The following DZIP3 variants were observed in gnomAD, a reference collection of about 807,000 sequenced individuals.
The protein encoded by DZIP3 is DAZ interacting zinc finger protein 3, also known as E3 ubiquitin-protein ligase DZIP3.
In DZIP3, 118 loss-of-function variants were observed where a neutral mutation model predicts 162.0. The ratio of observed to expected loss-of-function variants is 0.73; its 90% CI spans 0.63 to 0.85. The LOEUF is 0.85. Among genes scored for constraint, DZIP3 ranks in the 40% least tolerant of loss-of-function variants. The pLI, the probability that DZIP3 is intolerant of heterozygous loss-of-function variation, is 0.00. For synonymous variants in DZIP3, 438 were observed against 458.6 expected (o/e 0.96, Z 0.57); for missense variants, 1,331 against 1,407.0 (o/e 0.95, Z 0.86).
Position 108,661,990 on chromosome 3 carries a change from T to G in DZIP3, c.2295+18T>G, listed in dbSNP as rs1302475930. 4 of 1,607,840 alleles carry G rather than the reference T, an allele frequency of 2.5e-6. No homozygotes were observed. The highest frequency in any genetic ancestry group is 3.4e-6 in the Non-Finnish European group (4 of 1,175,404). On this transcript the variant is annotated intron_variant, in intron 20 of 32. Transcript: ENST00000361582. ...AGTGTGAAGTAAGTATTTTTGCCAT[T>G]AGATCTGATGGAAGTGAGAAGTATT...
At chr3:108,634,681 T>G (rs960205828) in intron 9 of DZIP3, among the ~76,000 whole-genome samples, 190 bp from the exon 10 acceptor site, 3 of 152,162 alleles carry the variant, frequency 2.0e-5, no homozygotes, top group African/African-American at 4.8e-5. Context: ...TGTCCTAATT[T>G]TCCTATCTTT....
At chr3:108,640,515 G>A (rs1457258633) in intron 12 of DZIP3, among the ~76,000 whole-genome samples, 3 of 145,372 alleles carry the variant, frequency 2.1e-5, no homozygotes, top group African/African-American at 7.7e-5. Flanking sequence ...GCACGATCTC[G>A]GCTCACTGCA....
intron 12 of DZIP3, among the ~76,000 whole-genome samples, chr3:108,642,055 A>C (rs1277639600): frequency 6.6e-6 from 1 of 152,164 alleles, no homozygotes; most frequent in Non-Finnish European, 1.5e-5. Context: ...GTTATTGCCA[A>C]AAATATTATA....
intron 26 of DZIP3, among the ~76,000 whole-genome samples, chr3:108,681,960 G>C (rs1350961940): frequency 6.7e-6 from 1 of 150,294 alleles, no homozygotes; most frequent in African/African-American, 2.5e-5. Context: ...GATAGCATTA[G>C]GAGAAATACC....
chr3:108,663,612 TA>T (rs1216658025), intron 21 of DZIP3, among the ~76,000 whole-genome samples: 2 of 150,272 alleles, frequency 1.3e-5, no homozygotes, highest in East Asian at 2.0e-4. Context: ...TCTTTTAGCC[TA>T]AAGGGGATGA....
At chr3:108,688,508 A>C in intron 29 of DZIP3, 85 bp from the exon 30 acceptor site, 449 of 1,412,134 alleles carry the variant, frequency 3.2e-4, no homozygotes, top group Non-Finnish European at 3.9e-4. Flanking sequence ...GCTAGTTCTT[A>C]CTATACCCCG....
At chr3:108,685,558 A>G (rs573115894) in intron 27 of DZIP3, among the ~76,000 whole-genome samples, 9 of 152,320 alleles carry the variant, frequency 5.9e-5, no homozygotes, top group African/African-American at 1.9e-4. Context: ...ATATTATTTA[A>G]TTAGAATCTT....
intron 4 of DZIP3, among the ~76,000 whole-genome samples, chr3:108,615,721 C>T (rs1345654040): frequency 6.6e-6 from 1 of 152,248 alleles, no homozygotes; most frequent in East Asian, 1.9e-4. Context: ...TCATTTCAAC[C>T]ATGTAAATAA....
chr3:108,642,808 C>A (rs1363846920), intron 13 of DZIP3, among the ~76,000 whole-genome samples: 1 of 152,146 alleles, frequency 6.6e-6, no homozygotes, highest in Non-Finnish European at 1.5e-5. Context: ...ACCAACTGTT[C>A]CTTCCCTTGC....
chr3:108,632,195 T>G (rs1169351806), intron 8 of DZIP3, among the ~76,000 whole-genome samples: 1 of 152,198 alleles, frequency 6.6e-6, no homozygotes, highest in Non-Finnish European at 1.5e-5. Flanking sequence ...CATGATTCAC[T>G]TGTATTTAAT....
chr3:108,602,247 TA>T (rs1206326804), intron 1 of DZIP3, among the ~76,000 whole-genome samples: 18 of 152,146 alleles, frequency 1.2e-4, no homozygotes, highest in Admixed American at 1.2e-3. Context: ...AACACAGCTT[TA>T]AAAATGGAAA....
In DZIP3 at chr3:108,694,153, A is replaced by G. The variant is rs960600587; in HGVS notation, c.*800A>G. The G allele has an allele frequency of 2.0e-5, 3 of 152,186 alleles. No homozygotes were observed. Among genetic ancestry groups the G allele is most frequent in the Non-Finnish European group, 2.9e-5 (2 of 68,038 alleles). 9.4% of individuals were successfully genotyped at this position (152,186 alleles called of 1,614,324 possible). A position where few individuals can be genotyped will look rare whatever the true frequency, so the allele number is the denominator to read the frequency against. The stretch of plus-strand genomic sequence containing the variant: ...TTTGCCTCCATATTTCAGTGCAAAT[A>G]TATTTTGAAGTTACTTTTAAATATT... On this transcript the variant is annotated 3_prime_UTR_variant, in exon 33 of 33. Coordinates refer to ENST00000361582, the MANE Select transcript of DZIP3 (RefSeq NM_014648.4).
At chr3:108,620,885 G>A (rs1317586345) in intron 5 of DZIP3, among the ~76,000 whole-genome samples, 1 of 152,076 alleles carries the variant, frequency 6.6e-6, no homozygotes, top group East Asian at 1.9e-4. Flanking sequence ...GCAGTGGCAC[G>A]ATCTCGGCTC....
chr3:108,649,911 A>G (rs1025726161), intron 17 of DZIP3, among the ~76,000 whole-genome samples: 5 of 151,986 alleles, frequency 3.3e-5, no homozygotes, highest in African/African-American at 1.2e-4. Context: ...AGACATGAGT[A>G]TGGAGATTTT....
intron 10 of DZIP3, among the ~76,000 whole-genome samples, chr3:108,635,706 T>C (rs1157690482): frequency 6.7e-6 from 1 of 148,740 alleles, no homozygotes; most frequent in Non-Finnish European, 1.5e-5. Context: ...TATTATAATA[T>C]ATAACATATA....
chr3:108,630,010 A>C (rs564238686), intron 8 of DZIP3, among the ~76,000 whole-genome samples: 1 of 152,150 alleles, frequency 6.6e-6, no homozygotes, highest in Non-Finnish European at 1.5e-5. Context: ...CATTAGAATA[A>C]ATTTCTAAAG....
chr3:108,611,379 G>A (rs776305635), intron 4 of DZIP3, 50 bp downstream of exon 4: 1 of 1,585,654 alleles, frequency 6.3e-7, no homozygotes, highest in East Asian at 2.3e-5. Context: ...GTCTGTATAT[G>A]ACTTTTTTAA....
chr3:108,677,459 G>A, intron 25 of DZIP3, 38 bp from the exon 26 acceptor site: 3 of 1,531,950 alleles, frequency 2.0e-6, no homozygotes, highest in Non-Finnish European at 2.7e-6. Flanking sequence ...CTTTAAAGTT[G>A]GTTGTTCTCT....
intron 9 of DZIP3, among the ~76,000 whole-genome samples, chr3:108,633,339 G>A (rs912577728): frequency 3.3e-5 from 5 of 151,778 alleles, no homozygotes; most frequent in African/African-American, 1.2e-4. Context: ...GAAGTTATAA[G>A]TATTATTCCT....
Sources: allele counts gnomAD v4.1 joint callset (sites outside exome capture counted in the v4.1 genomes callset), GRCh38; gene constraint gnomAD v4.1.1; transcripts MANE v1.5; gene names NCBI Gene and HGNC (gene_info 2026-07-23, HGNC 2026-07-21).